The following PCDH9 variants were observed in gnomAD, a reference collection of about 807,000 sequenced individuals.
PCDH9 encodes the protein protocadherin-9.
A neutral mutation model predicts 70.6 loss-of-function variants in PCDH9; 24 were observed. The ratio of observed to expected loss-of-function variants is 0.34; its 90% CI spans 0.25 to 0.48. The LOEUF (loss-of-function observed/expected upper bound fraction) is 0.48. Ranked by LOEUF, PCDH9 falls within the 20% of genes least tolerant of loss-of-function variation. The pLI is 0.99. For synonymous variants in PCDH9, 562 were observed against 558.5 expected, an observed-to-expected ratio of 1.01 and a Z score of -0.09; for missense variants, 1,281 against 1,503.6, an observed-to-expected ratio of 0.85 and a Z score of 2.45.
intron 4 of PCDH9, among the ~76,000 whole-genome samples, chr13:66,532,647 A>C (rs4242928): frequency 0.56 from 84,705 of 151,938 alleles, 23,780 homozygotes; most frequent in East Asian, 0.67. Flanking sequence ...GGTTCAAGCT[A>C]TTCTCCTGCC....
intron 2 of PCDH9, among the ~76,000 whole-genome samples, chr13:66,968,605 A>T (rs1480314644): frequency 6.6e-6 from 1 of 152,014 alleles, no homozygotes; most frequent in African/African-American, 2.4e-5. Context: ...CTAAACTTTG[A>T]TTCTGTTAAT....
intron 4 of PCDH9, among the ~76,000 whole-genome samples, chr13:66,480,746 G>A (rs1958820805): frequency 1.3e-5 from 2 of 152,148 alleles, no homozygotes; most frequent in African/African-American, 2.4e-5. Flanking sequence ...GTGGAAGACA[G>A]TGTGGCAATT....
chr13:66,941,620 A>C (rs1337851674), intron 2 of PCDH9, among the ~76,000 whole-genome samples: 1 of 151,892 alleles, frequency 6.6e-6, no homozygotes, highest in Admixed American at 6.6e-5. Flanking sequence ...ATAATACATA[A>C]AGTAGATTTT....
At chr13:66,564,756 G>A (rs1222417445) in intron 4 of PCDH9, among the ~76,000 whole-genome samples, 4 of 151,936 alleles carry the variant, frequency 2.6e-5, no homozygotes, top group Admixed American at 2.6e-4. Flanking sequence ...CTGATGCAGA[G>A]TCAATAGGGA....
chr13:66,351,487 CAT>C (rs1956290509), intron 4 of PCDH9, among the ~76,000 whole-genome samples: 1 of 152,028 alleles, frequency 6.6e-6, no homozygotes, highest in African/African-American at 2.4e-5. Context: ...CTTTAAAAAA[CAT>C]ATAATATTTT....
chr13:66,935,409 T>G (rs1179474262), intron 2 of PCDH9, among the ~76,000 whole-genome samples: 1 of 152,138 alleles, frequency 6.6e-6, no homozygotes, highest in African/African-American at 2.4e-5. Context: ...AAATTTCAAG[T>G]TGGTACTGAG....
intron 4 of PCDH9, among the ~76,000 whole-genome samples, chr13:66,356,539 GT>G (rs2138183967): frequency 1.3e-5 from 2 of 151,746 alleles, no homozygotes; most frequent in African/African-American, 4.8e-5. Flanking sequence ...CTTTGTCGGT[GT>G]TTTTCACTCC....
intron 4 of PCDH9, among the ~76,000 whole-genome samples, chr13:66,549,598 TTAAC>T (rs1566409221): frequency 6.6e-6 from 1 of 152,246 alleles, no homozygotes; most frequent in East Asian, 1.9e-4. Flanking sequence ...CCTCTTTTCT[TTAAC>T]TGACCTCTAA....
At chr13:66,833,132 C>T (rs557960040) in intron 3 of PCDH9, among the ~76,000 whole-genome samples, 32 of 152,242 alleles carry the variant, frequency 2.1e-4, no homozygotes, top group African/African-American at 6.3e-4. Flanking sequence ...CAATCCTGCC[C>T]GTTAATGCCA....
At chr13:66,356,913 C>T (rs543520764) in intron 4 of PCDH9, among the ~76,000 whole-genome samples, 3 of 151,962 alleles carry the variant, frequency 2.0e-5, no homozygotes, top group Non-Finnish European at 4.4e-5. Flanking sequence ...ATTGGGTAAT[C>T]GGCTTAAGGT....
At position 67,024,550 on chromosome 13, in the gene PCDH9, T is replaced by G. The variant is rs570899549; in HGVS notation, c.3037-120945A>C. Among the ~76,000 whole-genome samples the G allele has an allele frequency of 1.1e-4, 16 of 152,298 alleles. 1 individual carries two copies. The South Asian group carries it at 3.3e-3, about 32-fold the overall frequency. ...TTATGCTGTTGAGGTTTTTTTCTAC[T>G]TATTGTATCTGTATGGTGGAAATAG... On this transcript the variant is annotated intron_variant, in intron 2 of 4. Coordinates refer to ENST00000377865, the MANE Select transcript of PCDH9 (RefSeq NM_203487.3).
chr13:66,362,186 A>G (rs184543783), intron 4 of PCDH9, among the ~76,000 whole-genome samples: 1 of 149,604 alleles, frequency 6.7e-6, no homozygotes, highest in African/African-American at 2.4e-5. Flanking sequence ...ATTGTCAAAT[A>G]GATAGAGTAC....
At chr13:66,823,034 T>C (rs1312803540) in intron 3 of PCDH9, among the ~76,000 whole-genome samples, 3 of 152,044 alleles carry the variant, frequency 2.0e-5, no homozygotes, top group South Asian at 2.1e-4. Flanking sequence ...TTTTTAGATA[T>C]CGTAATACAT....
At chr13:67,032,982 TC>T (rs1164253835) in intron 2 of PCDH9, among the ~76,000 whole-genome samples, 2 of 136,500 alleles carry the variant, frequency 1.5e-5, no homozygotes, top group Non-Finnish European at 3.1e-5. Context: ...TTCTAATTTG[TC>T]CTTTTTTTTT....
chr13:66,307,101 T>A (rs1955481917), intron 4 of PCDH9, among the ~76,000 whole-genome samples: 1 of 152,088 alleles, frequency 6.6e-6, no homozygotes, highest in South Asian at 2.1e-4. Context: ...TGCACCTTGA[T>A]TTCCACAGAG....
intron 2 of PCDH9, among the ~76,000 whole-genome samples, chr13:67,183,539 T>A (rs1219164776): frequency 6.6e-6 from 1 of 152,178 alleles, no homozygotes; most frequent in Non-Finnish European, 1.5e-5. Flanking sequence ...AAAGTGTGAA[T>A]AAAGACAATC....
rs1961910312 is a variant in PCDH9, at chr13:66,559,707, G to C, written c.3340+71503C>G. On this transcript the variant is annotated intron_variant, in intron 4 of 4. Coordinates refer to ENST00000377865, the MANE Select transcript of PCDH9 (RefSeq NM_203487.3). ...CCCAGCTTCTCAGGAGGCTGAGGCA[G>C]GAGAATGGCATGAACCCAGGAGGCG... Among the ~76,000 whole-genome samples the C allele has an allele frequency of 2.0e-5, 3 of 148,642 alleles. No homozygotes were observed. The South Asian group carries it at 6.4e-4, about 32-fold the overall frequency.
intron 2 of PCDH9, among the ~76,000 whole-genome samples, chr13:66,994,545 T>C (rs1167491906): frequency 1.3e-5 from 2 of 152,182 alleles, no homozygotes; most frequent in Admixed American, 1.3e-4. Context: ...TAAGATGTGA[T>C]AACTGATAAG....
chr13:66,492,879 T>C (rs1959055151), intron 4 of PCDH9, among the ~76,000 whole-genome samples: 1 of 152,190 alleles, frequency 6.6e-6, no homozygotes, highest in Admixed American at 6.5e-5. Context: ...AGATACATTG[T>C]TACAAAGAAA....
Sources: gnomAD v4.1 joint callset for allele counts (sites outside exome capture counted in the v4.1 genomes callset) on GRCh38, gnomAD v4.1.1 for gene constraint, MANE v1.5 for transcripts, NCBI Gene and HGNC (gene_info 2026-07-23, HGNC 2026-07-21) for gene names.